Variants in MED13L observed in about 807,000 individuals in gnomAD.
The protein encoded by MED13L is mediator complex subunit 13L, also known as mediator of RNA polymerase II transcription subunit 13-like.
Under a neutral mutation model 220.9 loss-of-function variants are expected in MED13L, and 7 were observed. The ratio of observed to expected loss-of-function variants is 0.03; its 90% CI spans 0.02 to 0.06. The LOEUF (loss-of-function observed/expected upper bound fraction) is 0.06, where lower values mean the gene tolerates loss of function less well. Ranked by LOEUF, MED13L falls within the 10% of genes least tolerant of loss-of-function variation. The probability of loss-of-function intolerance (pLI) is 1.00; values close to 1 mark genes in which losing one functional copy is unlikely to be tolerated. For synonymous variants in MED13L, 1,011 were observed against 1,015.2 expected, an observed-to-expected ratio of 1.00 and a Z score of 0.08; for missense variants, 1,965 against 2,760.5, an observed-to-expected ratio of 0.71 and a Z score of 6.46.
chr12:115,969,256 C>T (rs1230561263), intron 27 of MED13L, among the ~76,000 whole-genome samples, 159 bp from the exon 28 acceptor site: 1 of 152,198 alleles, frequency 6.6e-6, no homozygotes, highest in Non-Finnish European at 1.5e-5. Context: ...CTACTGAGTG[C>T]AAGCTATTAC....
chr12:116,059,846 A>C (rs1869294563), intron 4 of MED13L, among the ~76,000 whole-genome samples: 1 of 152,212 alleles, frequency 6.6e-6, no homozygotes, highest in Non-Finnish European at 1.5e-5. Flanking sequence ...ATGGATTAAG[A>C]GTAAAAAACA....
At chr12:116,120,801 T>C (rs1056969891) in intron 2 of MED13L, among the ~76,000 whole-genome samples, 2 of 152,132 alleles carry the variant, frequency 1.3e-5, no homozygotes, top group African/African-American at 4.8e-5. Context: ...CTTAAGAATA[T>C]AAAGTAGCAA....
At chr12:116,107,619 G>C (rs1043318516) in intron 3 of MED13L, among the ~76,000 whole-genome samples, 1 of 152,212 alleles carries the variant, frequency 6.6e-6, no homozygotes, top group African/African-American at 2.4e-5. Flanking sequence ...AGCTGTGAGA[G>C]ATTCTCAATG....
chr12:115,985,708 TGG>T (rs1877643639), intron 19 of MED13L, among the ~76,000 whole-genome samples: 1 of 152,224 alleles, frequency 6.6e-6, no homozygotes, highest in Non-Finnish European at 1.5e-5. Flanking sequence ...ATTATCTGCC[TGG>T]TTTTTACATT....
chr12:116,130,278 T>C (rs1875958753), intron 2 of MED13L, among the ~76,000 whole-genome samples: 1 of 152,194 alleles, frequency 6.6e-6, no homozygotes, highest in East Asian at 1.9e-4. Context: ...AGAATGACTA[T>C]TTTAAAAATA....
intron 10 of MED13L, chr12:116,008,135 A>C: frequency 2.1e-6 from 1 of 479,810 alleles, no homozygotes; most frequent in Admixed American, 3.8e-5. Context: ...TTAATTAACA[A>C]ACAGTAGGGC....
intron 9 of MED13L, among the ~76,000 whole-genome samples, chr12:116,009,412 G>C (rs1207162202): frequency 2.1e-4 from 32 of 152,112 alleles, no homozygotes; most frequent in Admixed American, 2.1e-3. Context: ...AAATCTTTTA[G>C]ATTTGGTGAG....
intron 23 of MED13L, among the ~76,000 whole-genome samples, chr12:115,978,959 T>A (rs1022690171): frequency 2.6e-5 from 4 of 152,330 alleles, no homozygotes; most frequent in Middle Eastern, 3.4e-3. Flanking sequence ...GAGAATTGCA[T>A]GGAGGCAGGG....
intron 2 of MED13L, among the ~76,000 whole-genome samples, chr12:116,130,665 C>G (rs1261161382): frequency 6.6e-6 from 1 of 152,022 alleles, no homozygotes; most frequent in Non-Finnish European, 1.5e-5. Context: ...ATCATTGTAT[C>G]TGCCAACTTC....
rs747357187 is a variant in MED13L, at chr12:116,022,612, G to C, written c.480-11C>G. 7 of 1,609,618 alleles carry C rather than the reference G, an allele frequency of 4.3e-6. No individual in the cohort carries two copies. In the Admixed American group the frequency reaches 8.4e-5, roughly 19 times the overall value. ...CAGGACAAATGCTCACTACAAAAGA[G>C]AGAATGAGAAACTCAACTTTATATT... On this transcript the variant is annotated splice_polypyrimidine_tract_variant and intron_variant, in intron 4 of 30. Coordinates refer to ENST00000281928, the MANE Select transcript of MED13L (RefSeq NM_015335.5).
At chr12:116,031,449 T>A (rs1880729525) in intron 4 of MED13L, among the ~76,000 whole-genome samples, 1 of 150,900 alleles carries the variant, frequency 6.6e-6, no homozygotes. Flanking sequence ...AAAATTAGCC[T>A]GGCATGGTGG....
At chr12:116,171,097 A>G (rs1879649696) in intron 2 of MED13L, among the ~76,000 whole-genome samples, 1 of 152,274 alleles carries the variant, frequency 6.6e-6, no homozygotes, top group Non-Finnish European at 1.5e-5. Flanking sequence ...ATGTCTTCAT[A>G]TTTTATAAAA....
intron 2 of MED13L, among the ~76,000 whole-genome samples, chr12:116,135,480 A>G (rs191715565): frequency 1.3e-5 from 2 of 152,334 alleles, no homozygotes; most frequent in East Asian, 3.9e-4. Context: ...CTGAAGGTCG[A>G]GACATCACAG....
intron 3 of MED13L, among the ~76,000 whole-genome samples, chr12:116,106,938 C>T (rs1338359723): frequency 1.3e-5 from 2 of 152,008 alleles, no homozygotes; most frequent in African/African-American, 2.4e-5. Context: ...ATGTTTGTCT[C>T]CCACTCTGAA....
At chr12:116,022,278 A>G (rs1184355693) in intron 5 of MED13L, among the ~76,000 whole-genome samples, 178 bp downstream of exon 5, 1 of 152,182 alleles carries the variant, frequency 6.6e-6, no homozygotes, top group African/African-American at 2.4e-5. Flanking sequence ...AAACTAACAC[A>G]CTATTACTAC....
At chr12:116,271,897 C>G (rs967556371) in intron 1 of MED13L, among the ~76,000 whole-genome samples, 1 of 151,224 alleles carries the variant, frequency 6.6e-6, no homozygotes, top group Non-Finnish European at 1.5e-5. Flanking sequence ...CATTCACTTT[C>G]AAAAAAAACA....
At chr12:116,068,973 C>T (rs1870167998) in intron 4 of MED13L, among the ~76,000 whole-genome samples, 1 of 152,108 alleles carries the variant, frequency 6.6e-6, no homozygotes, top group South Asian at 2.1e-4. Context: ...GCAGCACTAA[C>T]GTCATTACCG....
chr12:116,120,522 GAGTA>G (rs1565887138), intron 2 of MED13L, among the ~76,000 whole-genome samples: 4 of 105,030 alleles, frequency 3.8e-5, no homozygotes, highest in African/African-American at 1.4e-4. Flanking sequence ...CACACACACA[GAGTA>G]AGATTTTCTT....
chr12:115,986,591 T>C, intron 18 of MED13L, 102 bp from the exon 19 acceptor site: 1 of 1,039,260 alleles, frequency 9.6e-7, no homozygotes, highest in Non-Finnish European at 1.5e-6. Context: ...GCATCTGAAA[T>C]GTCACTCCAT....
Sources: allele counts gnomAD v4.1 joint callset (sites outside exome capture counted in the v4.1 genomes callset), GRCh38; gene constraint gnomAD v4.1.1; transcripts MANE v1.5; gene names NCBI Gene and HGNC (gene_info 2026-07-23, HGNC 2026-07-21).